PHACTR2: variants seen among roughly 807,000 people sequenced by gnomAD.
PHACTR2 encodes the protein chromosome 6 open reading frame 56.
PHACTR2 carries 30 observed loss-of-function variants against 76.0 expected under a neutral mutation model. That is an observed-to-expected ratio of 0.39 (90% CI 0.30 to 0.54). The LOEUF is 0.54. PHACTR2 is among the 20% of genes least tolerant of loss of function. The probability of loss-of-function intolerance (pLI) is 0.61; values close to 1 mark genes in which losing one functional copy is unlikely to be tolerated. For synonymous variants in PHACTR2, 292 were observed against 292.5 expected, an observed-to-expected ratio of 1.00 and a Z score of 0.02; for missense variants, 696 against 781.1, an observed-to-expected ratio of 0.89 and a Z score of 1.30.
intron 1 of PHACTR2, among the ~76,000 whole-genome samples, chr6:143,694,167 G>T (rs897800976): frequency 6.7e-6 from 1 of 149,172 alleles, no homozygotes; most frequent in Admixed American, 6.7e-5. Context: ...ACAGGGAGTG[G>T]GGAGGGAAGG....
upstream of PHACTR2, among the ~76,000 whole-genome samples, chr6:143,675,505 A>G (rs1450278152): frequency 6.6e-6 from 1 of 152,206 alleles, no homozygotes; most frequent in Non-Finnish European, 1.5e-5. This position sits in a 1 kb window ranked among gnomAD's most constrained non-coding sequence, Gnocchi z 4.9. Context: ...GAGTATTTAC[A>G]TCACAGTAAA....
chr6:143,652,984 A>G lies in PHACTR2; in HGVS notation c.13+44662A>G, dbSNP rs1776790250. 1.3e-5 allele frequency among the ~76,000 whole-genome samples: 2 copies of G among 152,224 alleles called. No individual in the cohort carries two copies. Among genetic ancestry groups the G allele is most frequent in the African/African-American group, 4.8e-5 (2 of 41,460 alleles). On this transcript the variant is annotated intron_variant, in intron 1 of 11. Transcript: ENST00000305766. The surrounding 1 kb of genome is among the most constrained non-coding windows in gnomAD (Gnocchi z 4.5). ...GGCTGGAAGCTCCCTGGCAAGCAAT[A>G]GAAAAGCACCAGGTGTTCCCAGCAG...
chr6:143,637,354 G>T (rs1162640010), intron 1 of PHACTR2, among the ~76,000 whole-genome samples: 1 of 151,984 alleles, frequency 6.6e-6, no homozygotes, highest in East Asian at 1.9e-4. Flanking sequence ...AGGAAGGAAG[G>T]AAGGAAAAAA....
In PHACTR2 at chr6:143,641,610, G is replaced by A. The variant is rs187027183; in HGVS notation, c.13+33288G>A. ...CAACCTCCGCCTCCCAGGTTCAAGC[G>A]ATTCTCCTGCCTCAGCCTCCTGAGT... is the stretch of plus-strand genomic sequence containing the variant. On this transcript the variant is annotated intron_variant, in intron 1 of 11. Transcript: ENST00000305766. This position sits in a 1 kb window ranked among gnomAD's most constrained non-coding sequence, Gnocchi z 5.8. 8.5e-5 allele frequency among the ~76,000 whole-genome samples: 13 copies of A among 152,214 alleles called. No homozygotes were observed. Among genetic ancestry groups the A allele is most frequent in the Admixed American group, 7.2e-4 (11 of 15,272 alleles).
rs143992738 is a variant in PHACTR2, at chr6:143,580,960, A to G, written c.217+43753A>G. Among the ~76,000 whole-genome samples, 190 of 152,316 alleles carry G rather than the reference A, an allele frequency of 1.2e-3. No individual in the cohort carries two copies. The highest frequency in any genetic ancestry group is 4.0e-3 in the African/African-American group (165 of 41,570). On this transcript the variant is annotated intron_variant, in intron 1 of 11. Coordinates refer to the PHACTR2 transcript ENST00000367584. This position sits in a 1 kb window ranked among gnomAD's most constrained non-coding sequence, Gnocchi z 4.2. The stretch of plus-strand genomic sequence containing the variant: ...AATTACAGAAGGGACCATTTCTGGC[A>G]ACACAGCAGACCAGATATCCTATAA...
rs186846688 is a variant in PHACTR2, at chr6:143,765,994, T to C, written c.1232+196T>C. 6.4e-3 allele frequency among the ~76,000 whole-genome samples: 981 copies of C among 152,304 alleles called. 7 individuals carry two copies. Among genetic ancestry groups the C allele is most frequent in the Non-Finnish European group, 0.011 (727 of 68,020 alleles). ...CCTAGGGCTGCTGGAGAAAATTACA[T>C]TGGTAGAGCTGACAAATACCACTTG... is the stretch of plus-strand genomic sequence containing the variant. On this transcript the variant is annotated intron_variant, in intron 6 of 12. Transcript: ENST00000440869. The surrounding 1 kb of genome is among the most constrained non-coding windows in gnomAD (Gnocchi z 4.1).
At position 143,765,736 on chromosome 6, in the gene PHACTR2, G is replaced by A. The variant is rs762869190; in HGVS notation, c.1170G>A (p.Pro390=). The part of the protein sequence containing the change: ...DPSQLLWAEE[P]TNRTTLYSGT... ...GTCAGCTTCTTTGGGCTGAAGAGCC[G>A]ACGAACAGAACCACTCTCTACTCAG... Residue 390 remains proline (P), a synonymous_variant, in exon 6 of 13, where the codon CCG becomes CCA. Coordinates refer to ENST00000440869, the MANE Select transcript of PHACTR2 (RefSeq NM_001100164.2). The surrounding 1 kb of genome is among the most constrained non-coding windows in gnomAD (Gnocchi z 4.1). 1.1e-4 allele frequency: 174 copies of A among 1,614,064 alleles called. 1 individual carries two copies. The Admixed American group carries it at 1.6e-3, about 15-fold the overall frequency.
chr6:143,628,189 A>G (rs1263693454), intron 1 of PHACTR2, among the ~76,000 whole-genome samples: 1 of 152,158 alleles, frequency 6.6e-6, no homozygotes, highest in Non-Finnish European at 1.5e-5. Context: ...TTCTCTATTC[A>G]TTTGCTAAAG....
At position 143,678,168 on chromosome 6, in the gene PHACTR2, G is replaced by T. The variant is rs1387159233; in HGVS notation, c.5G>T (p.Gly2Val). M[G>V]QTSVSTLSPQ... Reference sequence around the variant, plus strand: ...CCTGGCCCTGCGACCCCAGTCATGGGCCAGACCTCGGTGTCCACGCTGTCC... The same window carrying T: ...CCTGGCCCTGCGACCCCAGTCATGGTCCAGACCTCGGTGTCCACGCTGTCC... Residue 2 changes from glycine (G) to valine (V), a missense_variant, in exon 1 of 13, where the codon GGC becomes GTC. By Grantham distance (109) the Gly-to-Val change is moderately radical. Coordinates refer to ENST00000440869, the MANE Select transcript of PHACTR2 (RefSeq NM_001100164.2). This position sits in a 1 kb window ranked among gnomAD's most constrained non-coding sequence, Gnocchi z 6.2. 1 of 1,542,990 alleles carries T rather than the reference G, an allele frequency of 6.5e-7. No individual in the cohort carries two copies. Among genetic ancestry groups the T allele is most frequent in the Non-Finnish European group, 8.7e-7 (1 of 1,143,776 alleles).
In PHACTR2 at chr6:143,539,536, G is replaced by C. The variant is rs1016462882; in HGVS notation, c.217+2329G>C. Among the ~76,000 whole-genome samples, 3 of 152,140 alleles carry C rather than the reference G, an allele frequency of 2.0e-5. No individual in the cohort carries two copies. The highest frequency in any genetic ancestry group is 7.2e-5 in the African/African-American group (3 of 41,430). On this transcript the variant is annotated intron_variant, in intron 1 of 11. Coordinates refer to the PHACTR2 transcript ENST00000367584. The surrounding 1 kb of genome is among the most constrained non-coding windows in gnomAD (Gnocchi z 4.3). ...AGAATCAGCAAGATGACTGTGCTGG[G>C]ATCTCTGAATTATCTCAGAGGCACA...
At chr6:143,769,296 T>C (rs1775036747) in intron 6 of PHACTR2, among the ~76,000 whole-genome samples, 1 of 152,134 alleles carries the variant, frequency 6.6e-6, no homozygotes, top group Non-Finnish European at 1.5e-5. Flanking sequence ...GGCTACTTTG[T>C]ACAGTTCATT....
rs1461199011 is a variant in PHACTR2 at position 143,664,340 on chromosome 6, T to G, written c.14-47676T>G. On this transcript the variant is annotated intron_variant, in intron 1 of 11. Coordinates refer to the PHACTR2 transcript ENST00000305766. The surrounding 1 kb of genome is among the most constrained non-coding windows in gnomAD (Gnocchi z 5.1). ...TAAAGAAAGAGATGTACTATGTTTC[T>G]GCTGCTCACAATTTTTTAGTCTTTG... Among the ~76,000 whole-genome samples, 1 of 152,206 alleles carries G rather than the reference T, an allele frequency of 6.6e-6. No individual in the cohort carries two copies. The highest frequency in any genetic ancestry group is 1.9e-4 in the East Asian group (1 of 5,208).
In PHACTR2 at chr6:143,750,785, G is replaced by A. The variant is rs1397848856; in HGVS notation, c.295+1720G>A. On this transcript the variant is annotated intron_variant, in intron 3 of 12. Coordinates refer to ENST00000440869, the MANE Select transcript of PHACTR2 (RefSeq NM_001100164.2). This position sits in a 1 kb window ranked among gnomAD's most constrained non-coding sequence, Gnocchi z 4.6. ...GATCTTTTTATTTAACTTTTCCAGTGGAAACTAAAAGTTTTAAAACATAAA... is the reference window on the plus strand; with the variant it reads ...GATCTTTTTATTTAACTTTTCCAGTAGAAACTAAAAGTTTTAAAACATAAA... Among the ~76,000 whole-genome samples, 1 of 151,996 alleles carries A rather than the reference G, an allele frequency of 6.6e-6. No homozygotes were observed. The highest frequency in any genetic ancestry group is 2.4e-5 in the African/African-American group (1 of 41,378).
intron 2 of PHACTR2, among the ~76,000 whole-genome samples, chr6:143,721,434 A>G (rs1778440344): frequency 6.6e-6 from 1 of 152,212 alleles, no homozygotes; most frequent in South Asian, 2.1e-4. Context: ...TTCAATTGAA[A>G]TTAAGAATTT....
chr6:143,762,555 T>C (rs1779466653), intron 5 of PHACTR2, among the ~76,000 whole-genome samples: 1 of 152,204 alleles, frequency 6.6e-6, no homozygotes, highest in Admixed American at 6.5e-5. Flanking sequence ...AATATCCCTT[T>C]ATGATCCTAC....
chr6:143,756,168 A>G (rs1779292478), intron 4 of PHACTR2, among the ~76,000 whole-genome samples: 1 of 152,152 alleles, frequency 6.6e-6, no homozygotes, highest in African/African-American at 2.4e-5. Context: ...AATATTTGAA[A>G]CATCACCGTC....
At chr6:143,605,677 T>G (rs1252008704), upstream of PHACTR2, among the ~76,000 whole-genome samples, 1 of 152,178 alleles carries the variant, frequency 6.6e-6, no homozygotes. This position sits in a 1 kb window ranked among gnomAD's most constrained non-coding sequence, Gnocchi z 5.0. Context: ...AATTTTCTGA[T>G]TTCTAGACAT....
rs1234113152 is a variant in PHACTR2, at chr6:143,750,139, G to A, written c.295+1074G>A. On this transcript the variant is annotated intron_variant, in intron 3 of 12. Transcript: ENST00000440869. The surrounding 1 kb of genome is among the most constrained non-coding windows in gnomAD (Gnocchi z 4.6). ...AGAAATGCTTTCCTGTTTTTCTCCT[G>A]ATTCAAAGAAAGTAGGGAACTCTGC... 6.6e-6 allele frequency among the ~76,000 whole-genome samples: 1 copy of A among 152,086 alleles called. No individual in the cohort carries two copies. Among genetic ancestry groups the A allele is most frequent in the African/African-American group, 2.4e-5 (1 of 41,418 alleles).
chr6:143,541,469 G>C lies in PHACTR2; in HGVS notation c.217+4262G>C, dbSNP rs1044538250. ...GCTTAGTCTTGCACATTGCACATTG[G>C]GCTGCATAGATCAGAGAACCATTCA... On this transcript the variant is annotated intron_variant, in intron 1 of 11. Coordinates refer to the PHACTR2 transcript ENST00000367584. The surrounding 1 kb of genome is among the most constrained non-coding windows in gnomAD (Gnocchi z 5.3). Among the ~76,000 whole-genome samples the C allele has an allele frequency of 5.9e-5, 9 of 152,064 alleles. No homozygotes were observed. Among genetic ancestry groups the C allele is most frequent in the Admixed American group, 5.9e-4 (9 of 15,270 alleles).
Sources: gnomAD v4.1 joint callset for allele counts (sites outside exome capture counted in the v4.1 genomes callset) on GRCh38, gnomAD v4.1.1 for gene constraint, Gnocchi (gnomAD v3.1) non-coding constraint, MANE v1.5 for transcripts, NCBI Gene and HGNC (gene_info 2026-07-23, HGNC 2026-07-21) for gene names.